Variants in DELE1 observed in about 807,000 individuals in gnomAD.
DELE1 encodes DAP3 binding cell death enhancer 1.
A neutral mutation model predicts 59.3 loss-of-function variants in DELE1; 54 were observed. That is an observed-to-expected ratio of 0.91 (90% CI 0.73 to 1.14). The LOEUF (loss-of-function observed/expected upper bound fraction) is 1.14. Ranked by LOEUF, DELE1 falls within the 50% of genes most tolerant of loss-of-function variation. The probability of loss-of-function intolerance (pLI) is 0.00; values close to 1 mark genes in which losing one functional copy is unlikely to be tolerated. For synonymous variants in DELE1, 264 were observed against 259.1 expected (o/e 1.02, Z -0.18); for missense variants, 636 against 643.9 (o/e 0.99, Z 0.13).
intron 3 of DELE1, among the ~76,000 whole-genome samples, chr5:141,926,587 T>C (rs1751442390): frequency 6.6e-6 from 1 of 152,266 alleles, no homozygotes; most frequent in South Asian, 2.1e-4. Context: ...TTGTCACAGC[T>C]CATCCCTGCT....
chr5:141,929,125 CAG>C (rs1491245555), intron 4 of DELE1, among the ~76,000 whole-genome samples: 4 of 152,158 alleles, frequency 2.6e-5, no homozygotes, highest in Non-Finnish European at 4.4e-5. Flanking sequence ...GCCAAGGAAA[CAG>C]AGGAGGAGGA....
chr5:141,940,852 GCT>G lies in DELE1; in HGVS notation c.*2098_*2099del. 5.1e-6 allele frequency: 5 copies of G among 985,436 alleles called. No individual in the cohort carries two copies. The highest frequency in any genetic ancestry group is 6.0e-6 in the Non-Finnish European group (5 of 829,958). The allele number at this position is 985,436 out of a possible 1,614,324, so 61.0% of individuals were successfully genotyped here. ...GGTTTTAAGCTGTGCAGTGCACTAA[GCT>G]CTCTGCCAAAAAACAAACAAAAAAA... On this transcript the variant is annotated 3_prime_UTR_variant, in exon 12 of 12. Transcript: ENST00000432126.
In DELE1 at chr5:141,938,661, A is replaced by T; in HGVS notation, c.1450A>T (p.Ser484Cys). The T allele has an allele frequency of 6.2e-7, 1 of 1,614,162 alleles. No individual in the cohort carries two copies. ...STGNLGLLCR[S>C]GHLGASLEAS... ...AGGCAACCTTGGCCTCCTCTGCAGAAGTGGGCATCTCGGAGCCAGCCTGGA... is the reference window on the plus strand; with the variant it reads ...AGGCAACCTTGGCCTCCTCTGCAGATGTGGGCATCTCGGAGCCAGCCTGGA... Residue 484 changes from serine to cysteine, a missense_variant, in exon 12 of 12, where the codon AGT becomes TGT. Physicochemically the swap from Ser to Cys is moderately radical, Grantham distance 112. Coordinates refer to ENST00000432126, the MANE Select transcript of DELE1 (RefSeq NM_014773.5).
chr5:141,941,997 G>T lies in DELE1; in HGVS notation c.*3238G>T. 1 of 985,346 alleles carries T rather than the reference G, an allele frequency of 1.0e-6. No individual in the cohort carries two copies. 61.0% of individuals were successfully genotyped at this position (985,346 alleles called of 1,614,324 possible). A position where few individuals can be genotyped will look rare whatever the true frequency, so the allele number is the denominator to read the frequency against. On this transcript the variant is annotated 3_prime_UTR_variant, in exon 12 of 12. Transcript: ENST00000432126. ...CACACACACACACACGGTTTCCTGT[G>T]CTACTTCTGGCACTTAGTAATTATT...
chr5:141,925,644 AC>A (rs1169895101), intron 3 of DELE1, 117 bp downstream of exon 3: 2 of 566,340 alleles, frequency 3.5e-6, no homozygotes, highest in Non-Finnish European at 6.1e-6. Flanking sequence ...TTAACAAGTA[AC>A]CCATGGTATT....
At chr5:141,936,099 T>C (rs1357541353) in intron 10 of DELE1, among the ~76,000 whole-genome samples, 1 of 152,240 alleles carries the variant, frequency 6.6e-6, no homozygotes, top group Admixed American at 6.5e-5. Context: ...TGTTTTGTTT[T>C]GTTTTTTTAA....
rs1752716828 is a variant in DELE1, at chr5:141,941,183, T to C, written c.*2424T>C. The stretch of plus-strand genomic sequence containing the variant: ...CTGACTACTTCCTTCTAGCCATAGC[T>C]GGGGCCGAGGGCTGGTTCACAGTCT... On this transcript the variant is annotated 3_prime_UTR_variant, in exon 12 of 12. Transcript: ENST00000432126. 8 of 985,502 alleles carry C rather than the reference T, an allele frequency of 8.1e-6. No individual in the cohort carries two copies. Among genetic ancestry groups the C allele is most frequent in the Non-Finnish European group, 9.6e-6 (8 of 829,968 alleles). The allele number at this position is 985,502 out of a possible 1,614,324, so 61.0% of individuals were successfully genotyped here.
At chr5:141,934,687 A>C in intron 10 of DELE1, 101 bp downstream of exon 10, 1 of 1,161,878 alleles carries the variant, frequency 8.6e-7, no homozygotes. Flanking sequence ...AGATTGTTGG[A>C]TAGGAGCCTT....
At position 141,938,546 on chromosome 5, in the gene DELE1, T is replaced by TA. The variant is rs1254702137; in HGVS notation, c.1336dup (p.Thr446AsnfsTer73). On this transcript the variant is annotated frameshift_variant, in exon 12 of 12. Transcript: ENST00000432126. LOFTEE classifies it high-confidence loss of function. ...CCCCGGGGCCCAGCGACCTGACAGT[T>TA]ACAGGACTGAAGTCTTTCTCCAGCC... 1 of 1,614,096 alleles carries TA rather than the reference T, an allele frequency of 6.2e-7. No individual in the cohort carries two copies.
intron 5 of DELE1, 68 bp downstream of exon 5, chr5:141,929,808 G>A (rs987619273): frequency 5.0e-6 from 8 of 1,584,876 alleles, no homozygotes; most frequent in East Asian, 2.3e-5. Flanking sequence ...CAAGATGGAC[G>A]TTGTTTGCTG....
At position 141,938,804 on chromosome 5, in the gene DELE1, G is replaced by A. The variant is rs762925044; in HGVS notation, c.*45G>A. The A allele has an allele frequency of 9.0e-6, 14 of 1,550,972 alleles. No homozygotes were observed. Among genetic ancestry groups the A allele is most frequent in the Admixed American group, 7.6e-5 (4 of 52,880 alleles). ...CCTGGTGCCTCTTAGGGGCCAGAGC[G>A]GGCAGGAGGTTGGATAACAAAAATA... On this transcript the variant is annotated 3_prime_UTR_variant, in exon 12 of 12. Coordinates refer to ENST00000432126, the MANE Select transcript of DELE1 (RefSeq NM_014773.5).
intron 5 of DELE1, 58 bp downstream of exon 5, chr5:141,929,798 C>A: frequency 6.3e-7 from 1 of 1,595,064 alleles, no homozygotes; most frequent in Non-Finnish European, 8.6e-7. Flanking sequence ...GTGAGCTGGG[C>A]AAGATGGACG....
rs1409728667 is a variant in DELE1, at chr5:141,930,160, T to A, written c.658-18T>A. On this transcript the variant is annotated intron_variant, in intron 6 of 11. Transcript: ENST00000432126. ...TGGTAAACCATCCCTTGGTGAGTCT[T>A]TTATATTTCTTTCCCAGGAACAAGA... The A allele has an allele frequency of 6.2e-7, 1 of 1,611,204 alleles. No individual in the cohort carries two copies. The highest frequency in any genetic ancestry group is 1.7e-5 in the Admixed American group (1 of 59,876).
chr5:141,939,904 A>G lies in DELE1; in HGVS notation c.*1145A>G. 1 of 703,314 alleles carries G rather than the reference A, an allele frequency of 1.4e-6. No homozygotes were observed. The highest frequency in any genetic ancestry group is 1.7e-6 in the Non-Finnish European group (1 of 572,760). 43.6% of individuals were successfully genotyped at this position (703,314 alleles called of 1,614,324 possible). A position where few individuals can be genotyped will look rare whatever the true frequency, so the allele number is the denominator to read the frequency against. ...AGGAGGCAGTGATGCTCATGGTTGCATGACTTTATGAGTCGCTGGGCCAGG... is the reference window on the plus strand; with the variant it reads ...AGGAGGCAGTGATGCTCATGGTTGCGTGACTTTATGAGTCGCTGGGCCAGG... On this transcript the variant is annotated 3_prime_UTR_variant, in exon 12 of 12. Transcript: ENST00000432126.
At chr5:141,927,735 T>C (rs1304505533) in intron 3 of DELE1, among the ~76,000 whole-genome samples, 1 of 152,212 alleles carries the variant, frequency 6.6e-6, no homozygotes, top group Non-Finnish European at 1.5e-5. Flanking sequence ...GACCTGTTGC[T>C]ATATTTGCAA....
In DELE1 at chr5:141,933,107, AAAAAAT is replaced by A. The variant is rs1208247162; in HGVS notation, c.755-150_755-145del. ...AAGACTCCATCTCAAAAAAAAAAAA[AAAAAAT>A]ATATATATATATATATATATATGTA... On this transcript the variant is annotated intron_variant, in intron 7 of 11. Transcript: ENST00000432126. The A allele has an allele frequency of 3.2e-3, 498 of 153,326 alleles. 2 individuals carry two copies. The highest frequency in any genetic ancestry group is 0.013 in the African/African-American group (456 of 35,674). The allele number at this position is 153,326 out of a possible 1,614,324, so 9.5% of individuals were successfully genotyped here.
intron 10 of DELE1, 169 bp downstream of exon 10, chr5:141,934,755 A>G: frequency 1.5e-6 from 1 of 646,508 alleles, no homozygotes; most frequent in Non-Finnish European, 2.7e-6. Flanking sequence ...GGGCAGTTGC[A>G]GTAGTACGCC....
chr5:141,941,203 C>T lies in DELE1; in HGVS notation c.*2444C>T, dbSNP rs1752718417. 2 of 985,488 alleles carry T rather than the reference C, an allele frequency of 2.0e-6. No homozygotes were observed. Among genetic ancestry groups the T allele is most frequent in the African/African-American group, 1.7e-5 (1 of 57,374 alleles). 61.0% of individuals were successfully genotyped at this position (985,488 alleles called of 1,614,324 possible). ...ATAGCTGGGGCCGAGGGCTGGTTCA[C>T]AGTCTGGCCACTGGGCGTCCTGTGG... On this transcript the variant is annotated 3_prime_UTR_variant, in exon 12 of 12. Coordinates refer to ENST00000432126, the MANE Select transcript of DELE1 (RefSeq NM_014773.5).
Position 141,938,795 on chromosome 5 carries a change from G to T in DELE1, c.*36G>T. On this transcript the variant is annotated 3_prime_UTR_variant, in exon 12 of 12. Transcript: ENST00000432126. ...AACATAGTCCCTGGTGCCTCTTAGG[G>T]GCCAGAGCGGGCAGGAGGTTGGATA... 3 of 1,569,786 alleles carry T rather than the reference G, an allele frequency of 1.9e-6. No homozygotes were observed. The highest frequency in any genetic ancestry group is 2.3e-5 in the South Asian group (2 of 86,894).
Sources: gnomAD v4.1 joint callset for allele counts (sites outside exome capture counted in the v4.1 genomes callset) on GRCh38, gnomAD v4.1.1 for gene constraint, MANE v1.5 for transcripts, NCBI Gene and HGNC (gene_info 2026-07-23, HGNC 2026-07-21) for gene names.